USP25: variants seen among roughly 807,000 people sequenced by gnomAD.
The protein encoded by USP25 is ubiquitin specific peptidase 25, also known as ubiquitin carboxyl-terminal hydrolase 25.
A neutral mutation model predicts 158.5 loss-of-function variants in USP25; 85 were observed. That is an observed-to-expected ratio of 0.54 (90% confidence interval 0.45 to 0.64). The LOEUF (loss-of-function observed/expected upper bound fraction) is 0.64, where lower values mean the gene tolerates loss of function less well. USP25 is among the 30% of genes least tolerant of loss of function. The pLI, the probability that USP25 is intolerant of heterozygous loss-of-function variation, is 0.00. For synonymous variants in USP25, 464 were observed against 460.4 expected (o/e 1.01, Z -0.10); for missense variants, 1,242 against 1,327.3 (o/e 0.94, Z 1.00).
intron 2 of USP25, among the ~76,000 whole-genome samples, chr21:15,763,709 C>A (rs2033871704): frequency 6.6e-6 from 1 of 152,146 alleles, no homozygotes. Flanking sequence ...AACTTGATTT[C>A]AAGCCTAGAG....
rs1690830610 is a variant in USP25 at position 15,763,041 on chromosome 21, GA to G, written c.123+74del. The G allele has an allele frequency of 2.1e-5, 29 of 1,367,696 alleles. No individual in the cohort carries two copies. The African/African-American group carries it at 3.4e-4, about 16-fold the overall frequency. The allele number at this position is 1,367,696 out of a possible 1,614,324, so 84.7% of individuals were successfully genotyped here. ...CTAGTGCGTATTATATTTGATAGTT[GA>G]TTTTTTTTTTGGGGTATACCATGTG... On this transcript the variant is annotated intron_variant, in intron 2 of 25. Transcript: ENST00000400183.
intron 3 of USP25, among the ~76,000 whole-genome samples, chr21:15,770,291 T>C (rs1194233434): frequency 1.1e-4 from 17 of 152,074 alleles, no homozygotes; most frequent in Admixed American, 1.1e-3. Context: ...GCCTAAAAAC[T>C]GAGATGCTAA....
At chr21:15,850,761 A>G (rs182415107) in intron 20 of USP25, among the ~76,000 whole-genome samples, 1 of 152,134 alleles carries the variant, frequency 6.6e-6, no homozygotes, top group East Asian at 1.9e-4. Context: ...ATACAGTACA[A>G]AACAAAAGCC....
chr21:15,866,506 AT>A (rs2146568960), intron 22 of USP25, among the ~76,000 whole-genome samples, 162 bp downstream of exon 22: 1 of 152,210 alleles, frequency 6.6e-6, no homozygotes, highest in African/African-American at 2.4e-5. Context: ...TTTATATGTG[AT>A]TTTAGGATTA....
At chr21:15,827,406 C>T (rs2037565178) in intron 14 of USP25, among the ~76,000 whole-genome samples, 1 of 152,080 alleles carries the variant, frequency 6.6e-6, no homozygotes, top group Non-Finnish European at 1.5e-5. Context: ...AAGATTTTCC[C>T]TGGATTGCTT....
Position 15,795,406 on chromosome 21 carries a change from T to C in USP25, c.555+3742T>C, listed in dbSNP as rs563993200. 6.6e-5 allele frequency among the ~76,000 whole-genome samples: 10 copies of C among 151,830 alleles called. No homozygotes were observed. In the South Asian group the frequency reaches 1.7e-3, roughly 25 times the overall value. On this transcript the variant is annotated intron_variant, in intron 5 of 25. Coordinates refer to ENST00000400183, the MANE Select transcript of USP25 (RefSeq NM_001283041.3). ...TCTAAATGCTTCAACATGTTTGTTA[T>C]GGTCTTAATAATATATTCTGTATGC...
In USP25 at chr21:15,867,803, G is replaced by A. The variant is rs137864269; in HGVS notation, c.2805+1459G>A. Among the ~76,000 whole-genome samples, 19 of 152,210 alleles carry A rather than the reference G, an allele frequency of 1.2e-4. No homozygotes were observed. In the East Asian group the frequency reaches 3.7e-3, roughly 29 times the overall value. Reference sequence around the variant, plus strand: ...TATATAGAAATAAATTTAACAAAAGGTGCGTGTGACTTCTGTGGGGAAAAT... The same window carrying A: ...TATATAGAAATAAATTTAACAAAAGATGCGTGTGACTTCTGTGGGGAAAAT... On this transcript the variant is annotated intron_variant, in intron 22 of 25. Transcript: ENST00000400183.
intron 14 of USP25, 52 bp downstream of exon 14, chr21:15,827,255 A>G (rs1364468288): frequency 7.2e-7 from 1 of 1,387,606 alleles, no homozygotes; most frequent in Non-Finnish European, 1.0e-6. Flanking sequence ...GATATGTGTA[A>G]TGTTAATATT....
chr21:15,833,359 A>G lies in USP25; in HGVS notation c.2005A>G (p.Lys669Glu), dbSNP rs2146399716. ...AQFLIQEEFNKETGQPLVGIE... is the reference protein window; with the variant it reads ...AQFLIQEEFNEETGQPLVGIE... Reference sequence around the variant, plus strand: ...AATATGATTTGCAGAGGAGTTTAATAAAGAAACTGGGCAGCCCCTTGTTGG... The same window carrying G: ...AATATGATTTGCAGAGGAGTTTAATGAAGAAACTGGGCAGCCCCTTGTTGG... The change falls in exon 17 of 26, where the codon AAA becomes GAA. Residue 669 changes from lysine (K) to glutamate (E), a missense_variant. This residue lies in a region of USP25 where 608 missense variants were observed against 605.2 expected (regional missense o/e 1.00). Coordinates refer to ENST00000400183, the MANE Select transcript of USP25 (RefSeq NM_001283041.3). The G allele has an allele frequency of 6.2e-7, 1 of 1,612,370 alleles. No homozygotes were observed. Among genetic ancestry groups the G allele is most frequent in the Non-Finnish European group, 8.5e-7 (1 of 1,179,464 alleles).
intron 3 of USP25, among the ~76,000 whole-genome samples, chr21:15,776,053 A>C (rs2034638715): frequency 6.6e-6 from 1 of 151,984 alleles, no homozygotes; most frequent in East Asian, 1.9e-4. Flanking sequence ...TTAATAACCA[A>C]GATAGCTTTC....
chr21:15,801,857 A>T (rs2036152212), intron 6 of USP25, among the ~76,000 whole-genome samples: 1 of 151,660 alleles, frequency 6.6e-6, no homozygotes, highest in Admixed American at 6.6e-5. Flanking sequence ...TGAGATTTGA[A>T]AGAAATCTAG....
rs375587404 is a variant in USP25 at position 15,798,188 on chromosome 21, A to T, written c.556-1569A>T. On this transcript the variant is annotated intron_variant, in intron 5 of 25. Transcript: ENST00000400183. The stretch of plus-strand genomic sequence containing the variant: ...AAGGTTATTTCTCTGTCCTTAATTT[A>T]TTGGAAGAATGTGGCAACCTTTCAT... Among the ~76,000 whole-genome samples the T allele has an allele frequency of 4.6e-5, 7 of 151,196 alleles. No homozygotes were observed. In the East Asian group the frequency reaches 1.2e-3, roughly 25 times the overall value.
At chr21:15,734,033 T>C (rs2031236621) in intron 1 of USP25, among the ~76,000 whole-genome samples, 2 of 152,218 alleles carry the variant, frequency 1.3e-5, no homozygotes, top group East Asian at 1.9e-4. Flanking sequence ...TTAACAGTAG[T>C]ATGTTAAGGC....
chr21:15,767,265 T>A (rs2034095300), intron 3 of USP25, among the ~76,000 whole-genome samples: 1 of 152,036 alleles, frequency 6.6e-6, no homozygotes, highest in Non-Finnish European at 1.5e-5. Context: ...TCTCTGTCTT[T>A]ACATTTGCTG....
intron 9 of USP25, among the ~76,000 whole-genome samples, chr21:15,818,480 T>C (rs1039445534): frequency 6.6e-6 from 1 of 152,188 alleles, no homozygotes; most frequent in African/African-American, 2.4e-5. Flanking sequence ...TATGTGTGTA[T>C]ATAATTACAT....
At chr21:15,779,637 T>C (rs1003426488) in intron 4 of USP25, among the ~76,000 whole-genome samples, 4 of 151,926 alleles carry the variant, frequency 2.6e-5, no homozygotes, top group African/African-American at 7.2e-5. Flanking sequence ...TAATTTGATA[T>C]TCAGTTCAAT....
chr21:15,779,116 T>C (rs2034817657), intron 4 of USP25, among the ~76,000 whole-genome samples: 1 of 152,122 alleles, frequency 6.6e-6, no homozygotes, highest in Non-Finnish European at 1.5e-5. Context: ...GAAACTACTT[T>C]GTAAGACATT....
chr21:15,735,858 A>G (rs1263134456), intron 1 of USP25, among the ~76,000 whole-genome samples: 1 of 151,428 alleles, frequency 6.6e-6, no homozygotes, highest in African/African-American at 2.4e-5. Context: ...TTGTCTTTTA[A>G]ATTTTCTATC....
chr21:15,867,335 G>T (rs1371807100), intron 22 of USP25, among the ~76,000 whole-genome samples: 2 of 151,844 alleles, frequency 1.3e-5, no homozygotes, highest in African/African-American at 4.8e-5. Context: ...AATAATTAGT[G>T]TAATTCACTA....
Sources: gnomAD v4.1 joint callset for allele counts (sites outside exome capture counted in the v4.1 genomes callset) on GRCh38, gnomAD v4.1.1 for gene constraint, gnomAD v4.1.1 regional missense constraint, MANE v1.5 for transcripts, NCBI Gene and HGNC (gene_info 2026-07-23, HGNC 2026-07-21) for gene names.